LCK: variants seen among roughly 807,000 people sequenced by gnomAD.
LCK encodes the protein LCK proto-oncogene, Src family tyrosine kinase, also known as tyrosine-protein kinase Lck.
Under a neutral mutation model 64.6 loss-of-function variants are expected in LCK, and 14 were observed. The ratio of observed to expected loss-of-function variants is 0.22; its 90% confidence interval spans 0.14 to 0.34. LCK has a LOEUF of 0.34. Ranked by LOEUF, LCK falls within the 10% of genes least tolerant of loss-of-function variation. LCK has a pLI of 1.00. For missense variants in LCK, 434 were observed against 668.1 expected (o/e 0.65, Z 3.86); for synonymous variants, 277 against 263.6 (o/e 1.05, Z -0.49).
intron 1 of LCK, among the ~76,000 whole-genome samples, chr1:32,252,507 C>A (rs1639532234): frequency 6.6e-6 from 1 of 152,206 alleles, no homozygotes; most frequent in South Asian, 2.1e-4. Context: ...CTGGTCCCAG[C>A]CTTTCTCCTG....
intron 1 of LCK, among the ~76,000 whole-genome samples, chr1:32,259,299 A>AAAAAT (rs1553151853): frequency 2.0e-5 from 3 of 150,156 alleles, no homozygotes; most frequent in Non-Finnish European, 4.4e-5. Flanking sequence ...TAAAAAAAAA[A>AAAAAT]AAAGAAAAAG....
intron 1 of LCK, among the ~76,000 whole-genome samples, chr1:32,254,669 C>T (rs949921487): frequency 9.1e-4 from 138 of 152,232 alleles, no homozygotes; most frequent in Middle Eastern, 3.4e-3. Flanking sequence ...TGGACCACCA[C>T]GCCCGGCTAA....
rs1459523049 is a variant in LCK at position 32,276,863 on chromosome 1, T to C, written c.964+77T>C. ...CTGCCAGAGGGTGGAAATACACCTTTTCTTCTGGCCCAAAGCTCAAGCAAG... is the reference window on the plus strand; with the variant it reads ...CTGCCAGAGGGTGGAAATACACCTTCTCTTCTGGCCCAAAGCTCAAGCAAG... On this transcript the variant is annotated intron_variant, in intron 9 of 12. Coordinates refer to ENST00000336890, the MANE Select transcript of LCK (RefSeq NM_005356.5). The surrounding 1 kb of genome is among the most constrained non-coding windows in gnomAD (Gnocchi z 4.6). 2.2e-6 allele frequency: 3 copies of C among 1,370,106 alleles called. No homozygotes were observed. The African/African-American group carries it at 4.4e-5, about 20-fold the overall frequency. 84.9% of individuals were successfully genotyped at this position (1,370,106 alleles called of 1,614,324 possible). A position where few individuals can be genotyped will look rare whatever the true frequency, so the allele number is the denominator to read the frequency against.
In LCK at chr1:32,275,944, A is replaced by G; in HGVS notation, c.512A>G (p.Asp171Gly). The G allele has an allele frequency of 6.2e-7, 1 of 1,614,108 alleles. No homozygotes were observed. The highest frequency in any genetic ancestry group is 1.3e-5 in the African/African-American group (1 of 75,028). The change falls in exon 7 of 13, where the codon GAC (aspartate) becomes GGC (glycine). Residue 171 changes from aspartate to glycine, a missense_variant. Coordinates refer to ENST00000336890, the MANE Select transcript of LCK (RefSeq NM_005356.5). The surrounding 1 kb of genome is among the most constrained non-coding windows in gnomAD (Gnocchi z 6.9). The part of the protein sequence containing the change: ...GSFSLSVRDF[D>G]QNQGEVVKHY... ...TTTTCACTGTCGGTCCGGGACTTCG[A>G]CCAGAACCAGGGAGAGGTGGTGAAA...
In LCK at chr1:32,276,225, C is replaced by T; in HGVS notation, c.632-112C>T. On this transcript the variant is annotated intron_variant, in intron 7 of 12. Coordinates refer to ENST00000336890, the MANE Select transcript of LCK (RefSeq NM_005356.5). This position sits in a 1 kb window ranked among gnomAD's most constrained non-coding sequence, Gnocchi z 4.6. Reference sequence around the variant, plus strand: ...CCCAAGTGTTTGGGTGACAGCCCCACACCCCCTTGCTAGTCCACTTCACCT... The same window carrying T: ...CCCAAGTGTTTGGGTGACAGCCCCATACCCCCTTGCTAGTCCACTTCACCT... 1.4e-6 allele frequency: 2 copies of T among 1,466,904 alleles called. No individual in the cohort carries two copies. The highest frequency in any genetic ancestry group is 1.8e-6 in the Non-Finnish European group (2 of 1,095,766). 90.9% of individuals were successfully genotyped at this position (1,466,904 alleles called of 1,614,324 possible). A position where few individuals can be genotyped will look rare whatever the true frequency, so the allele number is the denominator to read the frequency against.
chr1:32,279,912 G>C lies in LCK; in HGVS notation c.1113G>C (p.Leu371=), dbSNP rs899084689. 2.5e-6 allele frequency: 4 copies of C among 1,614,096 alleles called. No homozygotes were observed. The highest frequency in any genetic ancestry group is 1.3e-5 in the African/African-American group (1 of 74,926). Residue 371 remains leucine (L), a synonymous_variant, in exon 11 of 13, where the codon CTG becomes CTC. Transcript: ENST00000336890. Reference sequence around the variant, plus strand: ...GTGACCTTCGGGCTGCCAACATTCTGGTGTCTGACACCCTGAGCTGCAAGA... The same window carrying C: ...GTGACCTTCGGGCTGCCAACATTCTCGTGTCTGACACCCTGAGCTGCAAGA... The part of the protein sequence containing the change: ...IHRDLRAANI[L]VSDTLSCKIA...
rs1161056160 is a variant in LCK at position 32,275,696 on chromosome 1, G to T, written c.481+24G>T. On this transcript the variant is annotated intron_variant, in intron 6 of 12. Transcript: ENST00000336890. This position sits in a 1 kb window ranked among gnomAD's most constrained non-coding sequence, Gnocchi z 6.9. ...GGGTGAGCGGGCGGCGGTCTCGACC[G>T]GGCGCGGGGGTGCCCCGGGGTGTGC... 2.6e-6 allele frequency: 4 copies of T among 1,541,004 alleles called. No homozygotes were observed. In the South Asian group the frequency reaches 4.7e-5, roughly 18 times the overall value.
chr1:32,274,654 T>C, intron 2 of LCK, 83 bp from the exon 3 acceptor site: 2 of 1,189,016 alleles, frequency 1.7e-6, no homozygotes, highest in Non-Finnish European at 1.2e-6. Context: ...CTGGAGAGGC[T>C]GAGAGCAGAG....
intron 1 of LCK, among the ~76,000 whole-genome samples, chr1:32,273,865 A>T (rs1466600029): frequency 6.6e-6 from 1 of 152,018 alleles, no homozygotes; most frequent in Non-Finnish European, 1.5e-5. Context: ...CCTCAGCTAG[A>T]CAGGGGAATT....
chr1:32,274,507 C>A, intron 2 of LCK, 73 bp downstream of exon 2: 2 of 1,237,178 alleles, frequency 1.6e-6, no homozygotes, highest in Non-Finnish European at 2.3e-6. Context: ...AAATGACCAG[C>A]ACTACAGGCC....
intron 9 of LCK, among the ~76,000 whole-genome samples, chr1:32,278,179 A>T (rs1397545803): frequency 6.6e-6 from 1 of 152,180 alleles, no homozygotes; most frequent in Non-Finnish European, 1.5e-5. Context: ...ACCTTGTCTC[A>T]AAACAAAAAA....
Position 32,279,891 on chromosome 1 carries a change from C to T in LCK, c.1092C>T (p.Asp364=). 1 of 1,614,204 alleles carries T rather than the reference C, an allele frequency of 6.2e-7. No individual in the cohort carries two copies. Residue 364 remains aspartate, a synonymous_variant, in exon 11 of 13, where the codon GAC becomes GAT. Transcript: ENST00000336890. ...FIEERNYIHR[D]LRAANILVSD... The stretch of plus-strand genomic sequence containing the variant: ...AAGAGCGGAATTATATTCATCGTGA[C>T]CTTCGGGCTGCCAACATTCTGGTGT...
intron 1 of LCK, among the ~76,000 whole-genome samples, chr1:32,272,316 C>T (rs965990892): frequency 1.3e-5 from 2 of 150,726 alleles, no homozygotes; most frequent in Middle Eastern, 3.6e-3. Context: ...CGACTGGGTT[C>T]GGTGGTGCAT....
intron 12 of LCK, among the ~76,000 whole-genome samples, chr1:32,280,443 C>CTTTTTTTTT (rs770430504): frequency 3.2e-4 from 27 of 84,744 alleles, no homozygotes; most frequent in African/African-American, 4.9e-4. Flanking sequence ...TTTTCTTTTT[C>CTTTTTTTTT]TTTTTTTTTT....
intron 1 of LCK, among the ~76,000 whole-genome samples, chr1:32,263,438 T>TA (rs1639834645): frequency 8.3e-6 from 1 of 119,928 alleles, no homozygotes; most frequent in African/African-American, 4.0e-5. Context: ...AATAAATAAA[T>TA]AAATAAATAA....
At chr1:32,272,496 G>A (rs2124344617) in intron 1 of LCK, among the ~76,000 whole-genome samples, 1 of 151,838 alleles carries the variant, frequency 6.6e-6, no homozygotes, top group South Asian at 2.1e-4. Flanking sequence ...GAGGTGGGAA[G>A]ATTGCTTGAG....
At chr1:32,258,620 A>ACTAAAAAACACGTCTCTG (rs1376067506) in intron 1 of LCK, among the ~76,000 whole-genome samples, 12 of 151,898 alleles carry the variant, frequency 7.9e-5, no homozygotes, top group African/African-American at 2.9e-4. Context: ...ATTAGTTTCT[A>ACTAAAAAACACGTCTCTG]CTAAAAAACA....
chr1:32,281,567 A>G (rs1418992813), intron 12 of LCK, among the ~76,000 whole-genome samples: 1 of 152,128 alleles, frequency 6.6e-6, no homozygotes, highest in African/African-American at 2.4e-5. Context: ...TCCTCCCACC[A>G]TCTCCTGGAC....
At chr1:32,268,679 G>GGT (rs1557578550) in intron 1 of LCK, among the ~76,000 whole-genome samples, 1 of 151,910 alleles carries the variant, frequency 6.6e-6, no homozygotes. Flanking sequence ...CGGGCGTGGT[G>GGT]GCACATGCCT....
Sources: allele counts gnomAD v4.1 joint callset (sites outside exome capture counted in the v4.1 genomes callset), GRCh38; gene constraint gnomAD v4.1.1; non-coding constraint Gnocchi (gnomAD v3.1); transcripts MANE v1.5; gene names NCBI Gene and HGNC (gene_info 2026-07-23, HGNC 2026-07-21).